Variants in KIAA0930 observed in about 807,000 individuals in gnomAD.
KIAA0930 encodes the protein KIAA0930, also known as uncharacterized protein KIAA0930.
In KIAA0930, 24 loss-of-function variants were observed where a neutral mutation model predicts 43.9. The ratio of observed to expected loss-of-function variants is 0.55; its 90% CI spans 0.40 to 0.77. The LOEUF (loss-of-function observed/expected upper bound fraction) is 0.77, where lower values mean the gene tolerates loss of function less well. Among genes scored for constraint, KIAA0930 ranks in the 30% least tolerant of loss-of-function variants. The pLI, the probability that KIAA0930 is intolerant of heterozygous loss-of-function variation, is 0.00. For synonymous variants in KIAA0930, 259 were observed against 216.4 expected (o/e 1.20, Z -1.73); for missense variants, 461 against 574.2 (o/e 0.80, Z 2.02).
Position 45,195,464 on chromosome 22 carries a change from C to G in KIAA0930, c.*1712G>C, listed in dbSNP as rs1310486032. 2 of 152,346 alleles carry G rather than the reference C, an allele frequency of 1.3e-5. No homozygotes were observed. Among genetic ancestry groups the G allele is most frequent in the African/African-American group, 4.8e-5 (2 of 41,458 alleles). 9.4% of individuals were successfully genotyped at this position (152,346 alleles called of 1,614,324 possible). Reference sequence around the variant, plus strand: ...ATCCCCGGAGAGCACTCAAATGGGGCTGGACCATGCTCGGGGCTCCCTGAG... The same window carrying G: ...ATCCCCGGAGAGCACTCAAATGGGGGTGGACCATGCTCGGGGCTCCCTGAG... On this transcript the variant is annotated 3_prime_UTR_variant, in exon 10 of 10. Coordinates refer to ENST00000336156, the MANE Select transcript of KIAA0930 (RefSeq NM_001009880.2).
rs563187213 is a variant in KIAA0930 at position 45,211,888 on chromosome 22, C to A, written c.216+68G>T. On this transcript the variant is annotated intron_variant, in intron 2 of 9. Transcript: ENST00000336156. ...AGCACTGTAGGAAAGCCCACATGTA[C>A]ACCGAGAGCAGACACCACAGGGATG... 10 of 1,507,736 alleles carry A rather than the reference C, an allele frequency of 6.6e-6. No individual in the cohort carries two copies. In the African/African-American group the frequency reaches 1.2e-4, roughly 19 times the overall value. The allele number at this position is 1,507,736 out of a possible 1,614,324, so 93.4% of individuals were successfully genotyped here.
intron 1 of KIAA0930, among the ~76,000 whole-genome samples, chr22:45,219,582 GTTTTTTTTTTTTTTTTTT>G (rs535482000): frequency 1.6e-5 from 1 of 61,212 alleles, no homozygotes; most frequent in Non-Finnish European, 3.1e-5. Flanking sequence ...AGAGGTGATT[GTTTTTTTTTTTTTTTTTT>G]TTTTTTTTTT....
intron 7 of KIAA0930, among the ~76,000 whole-genome samples, chr22:45,201,890 T>C (rs1253690819): frequency 2.0e-5 from 3 of 152,250 alleles, no homozygotes; most frequent in Non-Finnish European, 2.9e-5. Flanking sequence ...ATGCATCGTT[T>C]ACATTCCCAC....
At chr22:45,201,596 A>T (rs2083589634) in intron 7 of KIAA0930, among the ~76,000 whole-genome samples, 1 of 152,226 alleles carries the variant, frequency 6.6e-6, no homozygotes, top group African/African-American at 2.4e-5. Context: ...GAGAAGAACC[A>T]GGCCCTTTAT....
At chr22:45,229,772 G>A (rs932724530) in intron 1 of KIAA0930, among the ~76,000 whole-genome samples, 1 of 152,218 alleles carries the variant, frequency 6.6e-6, no homozygotes, top group African/African-American at 2.4e-5. Flanking sequence ...TGGACTATAT[G>A]CCTGGCAGAC....
intron 1 of KIAA0930, among the ~76,000 whole-genome samples, chr22:45,227,151 G>C (rs960342852): frequency 1.3e-5 from 2 of 152,236 alleles, no homozygotes; most frequent in African/African-American, 4.8e-5. Context: ...CAGGTGCTCA[G>C]TGTGCAGGCC....
At position 45,197,077 on chromosome 22, in the gene KIAA0930, G is replaced by GC; in HGVS notation, c.*98dup. ...TCGCCTGGCTGCGGCTCCAGCACTG[G>GC]CGTGCCATCGCAGACCCCGGTGGCG... On this transcript the variant is annotated 3_prime_UTR_variant, in exon 10 of 10. Transcript: ENST00000336156. 1 of 1,035,254 alleles carries GC rather than the reference G, an allele frequency of 9.7e-7. No individual in the cohort carries two copies. Among genetic ancestry groups the GC allele is most frequent in the Non-Finnish European group, 1.4e-6 (1 of 736,446 alleles). 64.1% of individuals were successfully genotyped at this position (1,035,254 alleles called of 1,614,324 possible).
intron 8 of KIAA0930, among the ~76,000 whole-genome samples, chr22:45,199,624 C>T (rs1205336560): frequency 6.6e-6 from 1 of 152,206 alleles, no homozygotes; most frequent in Non-Finnish European, 1.5e-5. Context: ...AACTGCTGCA[C>T]ATCTGCGCTC....
Position 45,197,085 on chromosome 22 carries a change from T to C in KIAA0930, c.*91A>G, listed in dbSNP as rs1373908914. The C allele has an allele frequency of 1.8e-6, 2 of 1,130,240 alleles. No individual in the cohort carries two copies. The highest frequency in any genetic ancestry group is 1.6e-5 in the African/African-American group (1 of 61,762). 70.0% of individuals were successfully genotyped at this position (1,130,240 alleles called of 1,614,324 possible). A position where few individuals can be genotyped will look rare whatever the true frequency, so the allele number is the denominator to read the frequency against. ...CTGCGGCTCCAGCACTGGCGTGCCA[T>C]CGCAGACCCCGGTGGCGGTGGACAG... On this transcript the variant is annotated 3_prime_UTR_variant, in exon 10 of 10. Coordinates refer to ENST00000336156, the MANE Select transcript of KIAA0930 (RefSeq NM_001009880.2).
chr22:45,203,765 C>T (rs1207414124), intron 6 of KIAA0930, 80 bp downstream of exon 6: 1 of 1,518,854 alleles, frequency 6.6e-7, no homozygotes, highest in Non-Finnish European at 8.9e-7. Context: ...CTGGGGGGCC[C>T]CATGGTATGG....
intron 1 of KIAA0930, among the ~76,000 whole-genome samples, chr22:45,225,577 C>A (rs1477835825): frequency 6.6e-6 from 1 of 152,188 alleles, no homozygotes; most frequent in Admixed American, 6.5e-5. Context: ...CCCTGGAGAG[C>A]CTTGCTCCCT....
At chr22:45,202,573 C>T (rs529375886) in intron 7 of KIAA0930, 9 of 165,210 alleles carry the variant, frequency 5.4e-5, no homozygotes, top group Admixed American at 1.9e-4. Flanking sequence ...CGGGGAAGGC[C>T]GGCCACGTGC....
rs1473512652 is a variant in KIAA0930 at position 45,193,164 on chromosome 22, G to C, written c.*4012C>G. The C allele has an allele frequency of 6.6e-6, 1 of 152,234 alleles. No homozygotes were observed. Among genetic ancestry groups the C allele is most frequent in the African/African-American group, 2.4e-5 (1 of 41,454 alleles). 9.4% of individuals were successfully genotyped at this position (152,234 alleles called of 1,614,324 possible). On this transcript the variant is annotated 3_prime_UTR_variant, in exon 10 of 10. Transcript: ENST00000336156. Reference sequence around the variant, plus strand: ...TCATTCTGCTTTCTGATACAGACTAGAGCAAGAGGACAGGAAGAACCAGTG... The same window carrying C: ...TCATTCTGCTTTCTGATACAGACTACAGCAAGAGGACAGGAAGAACCAGTG...
At chr22:45,232,263 T>A (rs1696316957) in intron 1 of KIAA0930, among the ~76,000 whole-genome samples, 1 of 152,220 alleles carries the variant, frequency 6.6e-6, no homozygotes, top group African/African-American at 2.4e-5. Context: ...ATCCACACGC[T>A]TCATAACATG....
intron 1 of KIAA0930, among the ~76,000 whole-genome samples, chr22:45,239,735 G>A (rs2083905761): frequency 6.6e-6 from 1 of 152,176 alleles, no homozygotes; most frequent in Non-Finnish European, 1.5e-5. Context: ...CAGCAATGCT[G>A]TCACCCCCTC....
rs1156388656 is a variant in KIAA0930, at chr22:45,197,295, C to G, written c.1175-79G>C. 2.5e-5 allele frequency: 33 copies of G among 1,316,996 alleles called. No individual in the cohort carries two copies. The East Asian group carries it at 8.0e-4, about 32-fold the overall frequency. The allele number at this position is 1,316,996 out of a possible 1,614,324, so 81.6% of individuals were successfully genotyped here. A position where few individuals can be genotyped will look rare whatever the true frequency, so the allele number is the denominator to read the frequency against. On this transcript the variant is annotated intron_variant, in intron 9 of 9. Coordinates refer to ENST00000336156, the MANE Select transcript of KIAA0930 (RefSeq NM_001009880.2). ...TGCTATGGTCACGGCAGTGCCACTT[C>G]TGAAGGAAGCCCGCCTCAGCCACTC...
chr22:45,219,989 A>G (rs1424305380), intron 1 of KIAA0930, among the ~76,000 whole-genome samples: 1 of 152,162 alleles, frequency 6.6e-6, no homozygotes, highest in Non-Finnish European at 1.5e-5. Flanking sequence ...GAAACATGCC[A>G]ATTCTTTTTC....
At chr22:45,203,231 T>C in intron 6 of KIAA0930, 47 bp from the exon 7 acceptor site, 1 of 1,532,836 alleles carries the variant, frequency 6.5e-7, no homozygotes, top group Non-Finnish European at 8.8e-7. Context: ...TGGCGATGGC[T>C]CCATGGGGCC....
chr22:45,232,929 C>T (rs983329968), intron 1 of KIAA0930, among the ~76,000 whole-genome samples: 6 of 152,092 alleles, frequency 3.9e-5, no homozygotes, highest in Non-Finnish European at 5.9e-5. Flanking sequence ...GAAGGGACCC[C>T]GTGGAGTGTT....
Sources: gnomAD v4.1 joint callset for allele counts (sites outside exome capture counted in the v4.1 genomes callset) on GRCh38, gnomAD v4.1.1 for gene constraint, MANE v1.5 for transcripts, NCBI Gene and HGNC (gene_info 2026-07-23, HGNC 2026-07-21) for gene names.